GABRR3: variants seen among roughly 807,000 people sequenced by gnomAD.
The protein encoded by GABRR3 is gamma-aminobutyric acid receptor subunit rho-3.
In GABRR3, 29 loss-of-function variants were observed where a neutral mutation model predicts 43.2. The ratio of observed to expected loss-of-function variants is 0.67; its 90% CI spans 0.50 to 0.92. The LOEUF is 0.92. GABRR3 is among the 40% of genes least tolerant of loss of function. GABRR3 has a pLI of 0.00. For synonymous variants in GABRR3, 206 were observed against 195.9 expected, an observed-to-expected ratio of 1.05 and a Z score of -0.43; for missense variants, 576 against 572.3, an observed-to-expected ratio of 1.01 and a Z score of -0.07.
At chr3:98,021,333 C>A (rs1221810807) in intron 3 of GABRR3, among the ~76,000 whole-genome samples, 1 of 152,072 alleles carries the variant, frequency 6.6e-6, no homozygotes, top group East Asian at 1.9e-4. Context: ...AAAGATCGTT[C>A]TTTTTACAAA....
chr3:97,989,564 GC>G (rs1269689347), intron 9 of GABRR3, among the ~76,000 whole-genome samples: 1 of 151,838 alleles, frequency 6.6e-6, no homozygotes, highest in African/African-American at 2.4e-5. Flanking sequence ...AACAAGTTTT[GC>G]CTGATTTGTT....
intron 3 of GABRR3, 120 bp downstream of exon 3, chr3:98,025,447 C>A: frequency 1.7e-6 from 1 of 600,450 alleles, no homozygotes; most frequent in South Asian, 2.6e-5. Context: ...ATTGTAAAAG[C>A]CTTCTTTTTT....
At chr3:98,003,682 T>G (rs946393518) in intron 7 of GABRR3, among the ~76,000 whole-genome samples, 1 of 152,132 alleles carries the variant, frequency 6.6e-6, no homozygotes, top group South Asian at 2.1e-4. Context: ...GCCCTACATC[T>G]GAGCAAGTTA....
At chr3:98,021,682 G>A (rs1706949910) in intron 3 of GABRR3, among the ~76,000 whole-genome samples, 2 of 152,108 alleles carry the variant, frequency 1.3e-5, no homozygotes, top group South Asian at 4.1e-4. Context: ...AAAATATAGT[G>A]AAAATTAAAT....
At chr3:98,034,826 G>A in intron 2 of GABRR3, 37 bp downstream of exon 2, 1 of 1,607,680 alleles carries the variant, frequency 6.2e-7, no homozygotes, top group Non-Finnish European at 8.5e-7. Context: ...AGAGAAACTG[G>A]GCAGTAATTC....
chr3:98,000,937 A>G (rs1022670876), intron 8 of GABRR3: 3 of 152,140 alleles, frequency 2.0e-5, no homozygotes, highest in Non-Finnish European at 4.4e-5. Context: ...GTTCCCATAA[A>G]TCAGTGTGTG....
chr3:97,991,662 T>C (rs898129655), intron 9 of GABRR3, among the ~76,000 whole-genome samples: 3 of 152,230 alleles, frequency 2.0e-5, no homozygotes, highest in African/African-American at 7.2e-5. Context: ...GCAAATCACT[T>C]CATTTCACTA....
chr3:98,022,848 G>T (rs1461172962), intron 3 of GABRR3, among the ~76,000 whole-genome samples: 1 of 152,018 alleles, frequency 6.6e-6, no homozygotes. Context: ...GGGAAAGAAA[G>T]TATTTTTAAA....
intron 2 of GABRR3, 182 bp downstream of exon 2, chr3:98,034,681 T>C (rs186747205): frequency 7.3e-4 from 185 of 254,800 alleles, no homozygotes; most frequent in African/African-American, 4.0e-3. Flanking sequence ...TCCAAGATAT[T>C]GCTCTTTCGG....
chr3:98,025,783 A>G (rs1222340838), intron 2 of GABRR3, 104 bp from the exon 3 acceptor site: 3 of 654,868 alleles, frequency 4.6e-6, no homozygotes, highest in Non-Finnish European at 5.1e-6. Context: ...TCTGAAATAC[A>G]TACATAAAAG....
chr3:98,009,122 G>A (rs996144473), intron 5 of GABRR3, 84 bp from the exon 6 acceptor site: 1 of 831,920 alleles, frequency 1.2e-6, no homozygotes, highest in Non-Finnish European at 2.0e-6. Flanking sequence ...CTTTCTTACT[G>A]TTTGCTGGTT....
At chr3:98,005,578 G>C (rs889835731) in intron 7 of GABRR3, among the ~76,000 whole-genome samples, 2 of 152,220 alleles carry the variant, frequency 1.3e-5, no homozygotes, top group South Asian at 2.1e-4. Flanking sequence ...GCTTTAGAGA[G>C]ATTCTAAAAC....
intron 8 of GABRR3, chr3:97,998,960 C>G (rs775328122): frequency 1.3e-5 from 2 of 152,074 alleles, no homozygotes; most frequent in Non-Finnish European, 2.9e-5. Context: ...GCAACAAAAG[C>G]TCTCTAGTGT....
At chr3:98,016,309 G>A (rs1348108047) in intron 4 of GABRR3, among the ~76,000 whole-genome samples, 1 of 152,128 alleles carries the variant, frequency 6.6e-6, no homozygotes, top group Non-Finnish European at 1.5e-5. Flanking sequence ...TCCCATGACA[G>A]TCTTCTCCCT....
chr3:98,030,432 T>C (rs976109979), intron 2 of GABRR3, among the ~76,000 whole-genome samples: 3 of 152,138 alleles, frequency 2.0e-5, no homozygotes, highest in African/African-American at 7.2e-5. Flanking sequence ...TATGAAGCAA[T>C]GTGAGAAATG....
intron 4 of GABRR3, among the ~76,000 whole-genome samples, chr3:98,014,470 G>C (rs1369297275): frequency 6.6e-6 from 1 of 152,198 alleles, no homozygotes; most frequent in African/African-American, 2.4e-5. Flanking sequence ...ATCAGTAAAA[G>C]AGCTGCCTTT....
At chr3:98,021,896 A>G (rs1336987080) in intron 3 of GABRR3, among the ~76,000 whole-genome samples, 1 of 152,168 alleles carries the variant, frequency 6.6e-6, no homozygotes, top group Non-Finnish European at 1.5e-5. Context: ...ATATCATCTA[A>G]TCTTTTAATT....
At chr3:98,023,630 C>A (rs185884609) in intron 3 of GABRR3, among the ~76,000 whole-genome samples, 1 of 151,798 alleles carries the variant, frequency 6.6e-6, no homozygotes, top group African/African-American at 2.4e-5. Flanking sequence ...AAGGAAGATA[C>A]ATAAGAGAAG....
At chr3:98,018,213 C>T (rs1268170452) in intron 3 of GABRR3, among the ~76,000 whole-genome samples, 1 of 152,066 alleles carries the variant, frequency 6.6e-6, no homozygotes, top group Non-Finnish European at 1.5e-5. Context: ...AAATATCAGC[C>T]TTTTCCATTT....
Sources: allele counts gnomAD v4.1 joint callset (sites outside exome capture counted in the v4.1 genomes callset), GRCh38; gene constraint gnomAD v4.1.1; transcripts MANE v1.5; gene names NCBI Gene and HGNC (gene_info 2026-07-23, HGNC 2026-07-21).